Variants in NUFIP2 observed in about 807,000 individuals in gnomAD.
The protein encoded by NUFIP2 is FMR1-interacting protein NUFIP2.
A neutral mutation model predicts 56.9 loss-of-function variants in NUFIP2; 6 were observed. That is an observed-to-expected ratio of 0.11 (90% CI 0.06 to 0.21). The LOEUF (loss-of-function observed/expected upper bound fraction) is 0.21. Among genes scored for constraint, NUFIP2 ranks in the 10% least tolerant of loss-of-function variants. The pLI is 1.00. For synonymous variants in NUFIP2, 321 were observed against 298.2 expected (o/e 1.08, Z -0.79); for missense variants, 828 against 826.8 (o/e 1.00, Z -0.02).
chr17:29,284,706 C>CAAAAAAA (rs66700326), intron 2 of NUFIP2, among the ~76,000 whole-genome samples: 11 of 53,566 alleles, frequency 2.1e-4, no homozygotes, highest in Admixed American at 7.5e-4. Context: ...GACTCCATCT[C>CAAAAAAA]AAAAAAAAAA....
At chr17:29,281,926 G>A (rs575672297) in intron 2 of NUFIP2, among the ~76,000 whole-genome samples, 78 of 151,726 alleles carry the variant, frequency 5.1e-4, no homozygotes, top group African/African-American at 1.1e-3. Flanking sequence ...TACCACGCCC[G>A]GCTAATTTTT....
At chr17:29,287,801 GT>G in intron 1 of NUFIP2, 85 bp from the exon 2 acceptor site, 1 of 1,264,582 alleles carries the variant, frequency 7.9e-7, no homozygotes. Context: ...ACTATTTACT[GT>G]ATGCTAGACA....
At position 29,257,335 on chromosome 17, in the gene NUFIP2, T is replaced by A. The variant is rs1396319306; in HGVS notation, c.*7204A>T. On this transcript the variant is annotated 3_prime_UTR_variant, in exon 4 of 4. Coordinates refer to ENST00000225388, the MANE Select transcript of NUFIP2 (RefSeq NM_020772.3). ...TCACTTTTGGTAATGACACACAAAT[T>A]AAACTTTCAAAACATGTGCATAGCT... is the stretch of plus-strand genomic sequence containing the variant. 1 of 152,174 alleles carries A rather than the reference T, an allele frequency of 6.6e-6. No homozygotes were observed. Among genetic ancestry groups the A allele is most frequent in the Non-Finnish European group, 1.5e-5 (1 of 68,002 alleles). The allele number at this position is 152,174 out of a possible 1,614,324, so 9.4% of individuals were successfully genotyped here.
chr17:29,286,170 A>C lies in NUFIP2; in HGVS notation c.1824T>G (p.Ser608Arg), dbSNP rs764350327. 1 of 1,614,092 alleles carries C rather than the reference A, an allele frequency of 6.2e-7. No homozygotes were observed. The highest frequency in any genetic ancestry group is 8.5e-7 in the Non-Finnish European group (1 of 1,179,990). ...IGDLQKADTS[S>R]QGALVFLSKD... ...TTGAGAGAAACACTAAAGCACCTTG[A>C]CTACTGGTGTCTGCTTTCTGCAGGT... is the stretch of plus-strand genomic sequence containing the variant. The change falls in exon 2 of 4, where the codon AGT (serine) becomes AGG (arginine). Residue 608 changes from serine to arginine, a missense_variant. This residue lies in a region of NUFIP2 where 404 missense variants were observed against 380.3 expected (regional missense o/e 1.06). Transcript: ENST00000225388.
In NUFIP2 at chr17:29,272,759, C is replaced by T. The variant is rs571337563; in HGVS notation, c.2003-5229G>A. ...AGCATTTCCTTTTTGAACATCATGT[C>T]AGTACTGAAAAATTTTGGATCTTGA... is the stretch of plus-strand genomic sequence containing the variant. On this transcript the variant is annotated intron_variant, in intron 2 of 3. Coordinates refer to ENST00000225388, the MANE Select transcript of NUFIP2 (RefSeq NM_020772.3). Among the ~76,000 whole-genome samples the T allele has an allele frequency of 3.0e-4, 45 of 151,784 alleles. No homozygotes were observed. The South Asian group carries it at 8.9e-3, about 30-fold the overall frequency.
chr17:29,272,303 C>T (rs1318168114), intron 2 of NUFIP2, among the ~76,000 whole-genome samples: 1 of 148,642 alleles, frequency 6.7e-6, no homozygotes, highest in Non-Finnish European at 1.5e-5. Context: ...TGCAGTGGCG[C>T]TATCTCGGCT....
intron 1 of NUFIP2, among the ~76,000 whole-genome samples, chr17:29,290,778 C>G (rs907580211): frequency 2.6e-5 from 4 of 151,940 alleles, no homozygotes; most frequent in African/African-American, 9.7e-5. Flanking sequence ...TAAGACCTAC[C>G]TGTATCATTT....
At position 29,286,310 on chromosome 17, in the gene NUFIP2, G is replaced by A; in HGVS notation, c.1684C>T (p.Pro562Ser). The A allele has an allele frequency of 6.2e-7, 1 of 1,614,168 alleles. No homozygotes were observed. The highest frequency in any genetic ancestry group is 1.1e-5 in the South Asian group (1 of 91,084). Reference protein sequence around the residue: ...IPSGTEHPVFPKAYELEKRTS... With the variant: ...IPSGTEHPVFSKAYELEKRTS... ...CGTTTCTCCAGCTCGTAAGCCTTGG[G>A]AAACACAGGATGCTCAGTTCCTGAG... The change falls in exon 2 of 4, where the codon CCC (proline) becomes TCC (serine). Residue 562 changes from proline (P) to serine (S), a missense_variant. Around this residue, in one of 3 missense-constraint regions of NUFIP2, gnomAD observed 404 missense variants for 380.3 expected, o/e 1.06. Transcript: ENST00000225388.
Position 29,286,032 on chromosome 17 carries a change from A to T in NUFIP2, c.1962T>A (p.Gly654=), listed in dbSNP as rs768216296. The T allele has an allele frequency of 8.0e-5, 129 of 1,613,718 alleles. No individual in the cohort carries two copies. The highest frequency in any genetic ancestry group is 1.1e-4 in the Non-Finnish European group (124 of 1,179,828). The change falls in exon 2 of 4, where the codon GGT becomes GGA. Residue 654 remains glycine, a synonymous_variant. Coordinates refer to ENST00000225388, the MANE Select transcript of NUFIP2 (RefSeq NM_020772.3). ...CAATAGCAGCCCTCAGGTCAAAAGA[A>T]CCCCAGCTATCATTCCTTTCTAGGC... is the stretch of plus-strand genomic sequence containing the variant. ...QRGLERNDSW[G]SFDLRAAIVY... is the part of the protein sequence containing the mutation.
intron 2 of NUFIP2, among the ~76,000 whole-genome samples, chr17:29,284,370 G>T (rs775003225): frequency 6.6e-6 from 1 of 152,064 alleles, no homozygotes; most frequent in African/African-American, 2.4e-5. Flanking sequence ...GCCATACAGC[G>T]AATTTTTCTT....
chr17:29,264,156 G>C lies in NUFIP2; in HGVS notation c.*383C>G, dbSNP rs987140806. The stretch of plus-strand genomic sequence containing the variant: ...TCTTTTAAGTGGATTTGCCTTTCCA[G>C]TGGGTCATTTGTTGCCCAAGTTGAT... On this transcript the variant is annotated 3_prime_UTR_variant, in exon 4 of 4. Transcript: ENST00000225388. 2 of 152,608 alleles carry C rather than the reference G, an allele frequency of 1.3e-5. No individual in the cohort carries two copies. Among genetic ancestry groups the C allele is most frequent in the Admixed American group, 6.6e-5 (1 of 15,246 alleles). The allele number at this position is 152,608 out of a possible 1,614,324, so 9.5% of individuals were successfully genotyped here. A position where few individuals can be genotyped will look rare whatever the true frequency, so the allele number is the denominator to read the frequency against.
In NUFIP2 at chr17:29,277,053, C is replaced by T. The variant is rs2069112249; in HGVS notation, c.2002+8939G>A. The stretch of plus-strand genomic sequence containing the variant: ...AACATTGTTTGTTTTTGGAGACAGT[C>T]TCGCTCTGTCGCCCAGACTAGAGTG... On this transcript the variant is annotated intron_variant, in intron 2 of 3. Transcript: ENST00000225388. 2.0e-5 allele frequency among the ~76,000 whole-genome samples: 3 copies of T among 152,172 alleles called. 1 individual carries two copies. The South Asian group carries it at 6.2e-4, about 32-fold the overall frequency.
chr17:29,273,519 C>A (rs1191633207), intron 2 of NUFIP2, among the ~76,000 whole-genome samples: 2 of 148,444 alleles, frequency 1.3e-5, no homozygotes, highest in Non-Finnish European at 3.0e-5. Context: ...CACACACACA[C>A]ACACACAGAC....
At chr17:29,285,203 G>A (rs1228594473) in intron 2 of NUFIP2, among the ~76,000 whole-genome samples, 2 of 152,116 alleles carry the variant, frequency 1.3e-5, no homozygotes, top group Non-Finnish European at 2.9e-5. Context: ...GGGAGGCTGA[G>A]GCAGGAGAAT....
intron 2 of NUFIP2, among the ~76,000 whole-genome samples, chr17:29,274,824 G>A (rs1175597547): frequency 1.3e-5 from 2 of 151,974 alleles, no homozygotes; most frequent in African/African-American, 2.4e-5. Flanking sequence ...GTTAAGAAGA[G>A]ATGAAGACAG....
At position 29,294,105 on chromosome 17, in the gene NUFIP2, C is replaced by A. The variant is rs763776385; in HGVS notation, c.-46G>T. 1.2e-5 allele frequency: 18 copies of A among 1,553,016 alleles called. No homozygotes were observed. Among genetic ancestry groups the A allele is most frequent in the Non-Finnish European group, 1.5e-5 (17 of 1,148,844 alleles). ...TGGCTGAGGCTGCGGGCTGCTGCAC[C>A]GTCAGGATCTGAGACTGCTTCTCAG... On this transcript the variant is annotated 5_prime_UTR_variant, in exon 1 of 4. Coordinates refer to ENST00000225388, the MANE Select transcript of NUFIP2 (RefSeq NM_020772.3).
rs927959585 is a variant in NUFIP2, at chr17:29,257,637, G to A, written c.*6902C>T. ...TTAACAAAATTTTTAAAGTTGGAAA[G>A]AGCTGATAACTTGGATCATAGCTCA... On this transcript the variant is annotated 3_prime_UTR_variant, in exon 4 of 4. Transcript: ENST00000225388. The A allele has an allele frequency of 1.3e-5, 2 of 152,078 alleles. No homozygotes were observed. The highest frequency in any genetic ancestry group is 2.9e-5 in the Non-Finnish European group (2 of 68,012). The allele number at this position is 152,078 out of a possible 1,614,324, so 9.4% of individuals were successfully genotyped here. A position where few individuals can be genotyped will look rare whatever the true frequency, so the allele number is the denominator to read the frequency against.
intron 2 of NUFIP2, among the ~76,000 whole-genome samples, chr17:29,281,908 G>A (rs759007180): frequency 2.0e-5 from 3 of 151,674 alleles, no homozygotes; most frequent in Non-Finnish European, 4.4e-5. Context: ...GGGACTACAG[G>A]TGCCTGCTAC....
Position 29,286,237 on chromosome 17 carries a change from CTAG to C in NUFIP2, c.1754_1756del (p.Thr585del). 1 of 1,614,178 alleles carries C rather than the reference CTAG, an allele frequency of 6.2e-7. No homozygotes were observed. Among genetic ancestry groups the C allele is most frequent in the East Asian group, 2.2e-5 (1 of 44,878 alleles). ...TTCCAAGGATAAGGCTCCACTCTCA[CTAG>C]TAGTCCCAGATTTTAGAATGCTACC... On this transcript the variant is annotated inframe_deletion, in exon 2 of 4. Coordinates refer to ENST00000225388, the MANE Select transcript of NUFIP2 (RefSeq NM_020772.3).
Sources: allele counts gnomAD v4.1 joint callset (sites outside exome capture counted in the v4.1 genomes callset), GRCh38; gene constraint gnomAD v4.1.1; regional missense constraint gnomAD v4.1.1; transcripts MANE v1.5; gene names NCBI Gene and HGNC (gene_info 2026-07-23, HGNC 2026-07-21).